Variants in GAS6 observed in about 807,000 individuals in gnomAD.
GAS6 encodes growth arrest specific 6, also known as growth arrest-specific protein 6.
A neutral mutation model predicts 75.8 loss-of-function variants in GAS6; 41 were observed. The ratio of observed to expected loss-of-function variants is 0.54; its 90% CI spans 0.42 to 0.70. The LOEUF is 0.70. GAS6 is among the 30% of genes least tolerant of loss of function. The probability of loss-of-function intolerance (pLI) is 0.00; values close to 1 mark genes in which losing one functional copy is unlikely to be tolerated. For missense variants in GAS6, 854 were observed against 940.2 expected, an observed-to-expected ratio of 0.91 and a Z score of 1.20; for synonymous variants, 432 against 412.6, an observed-to-expected ratio of 1.05 and a Z score of -0.57.
intron 2 of GAS6, among the ~76,000 whole-genome samples, chr13:113,857,918 C>A (rs936279754): frequency 6.6e-6 from 1 of 152,230 alleles, no homozygotes; most frequent in Non-Finnish European, 1.5e-5. Context: ...TGCACAGGTG[C>A]GGGCACAGGA....
chr13:113,828,764 C>G, intron 10 of GAS6, 53 bp from the exon 11 acceptor site: 1 of 1,576,694 alleles, frequency 6.3e-7, no homozygotes, highest in South Asian at 1.2e-5. Context: ...TCTGAAGGGG[C>G]TCCCAACTGA....
intron 2 of GAS6, among the ~76,000 whole-genome samples, chr13:113,855,958 CAT>C (rs1206692749): frequency 1.3e-5 from 2 of 152,340 alleles, no homozygotes; most frequent in East Asian, 1.9e-4. Flanking sequence ...GGCCGGGACA[CAT>C]GTCTCTCTAG....
chr13:113,823,255 A>G, intron 13 of GAS6, 120 bp downstream of exon 13: 1 of 1,165,568 alleles, frequency 8.6e-7, no homozygotes, highest in South Asian at 1.6e-5. Flanking sequence ...ACCTCTGGTC[A>G]GAGGCTTTGG....
chr13:113,824,846 C>G (rs1221698025), intron 12 of GAS6, among the ~76,000 whole-genome samples: 3 of 151,956 alleles, frequency 2.0e-5, no homozygotes, highest in African/African-American at 7.2e-5. Context: ...GCAACAGAAT[C>G]AAAAAGTAAC....
At chr13:113,860,289 G>A (rs935894966) in intron 2 of GAS6, among the ~76,000 whole-genome samples, 2 of 152,332 alleles carry the variant, frequency 1.3e-5, no homozygotes, top group East Asian at 1.9e-4. Context: ...CCAGCCCTCG[G>A]TGAATATTGT....
intron 2 of GAS6, among the ~76,000 whole-genome samples, chr13:113,861,217 G>A (rs1319908266): frequency 6.6e-6 from 1 of 152,168 alleles, no homozygotes; most frequent in East Asian, 1.9e-4. Flanking sequence ...TCCCTCCCTC[G>A]TAGGAGCCTG....
chr13:113,838,502 G>C (rs1200633647), intron 5 of GAS6, among the ~76,000 whole-genome samples: 1 of 130,276 alleles, frequency 7.7e-6, no homozygotes, highest in Non-Finnish European at 1.6e-5. Context: ...AGGGGACCCC[G>C]GGGGTGCACA....
At chr13:113,856,779 C>T (rs934847219) in intron 2 of GAS6, among the ~76,000 whole-genome samples, 6 of 152,230 alleles carry the variant, frequency 3.9e-5, no homozygotes, top group Admixed American at 1.3e-4. Flanking sequence ...TGAGAGCTCC[C>T]GCGTCCGGGC....
In GAS6 at chr13:113,833,252, G is replaced by A. The variant is rs59095548; in HGVS notation, c.835-500C>T. On this transcript the variant is annotated intron_variant, in intron 8 of 14. Coordinates refer to ENST00000327773, the MANE Select transcript of GAS6 (RefSeq NM_000820.4). ...CTGAGCCAGGCCTGCCCTGCCCACC[G>A]TGGGCAGCCAGGGTGAGCTGGACAT... 5.5e-3 allele frequency: 5,720 copies of A among 1,047,592 alleles called. 233 individuals carry two copies. In the African/African-American group the frequency reaches 0.088, roughly 16 times the overall value. 64.9% of individuals were successfully genotyped at this position (1,047,592 alleles called of 1,614,324 possible). A position where few individuals can be genotyped will look rare whatever the true frequency, so the allele number is the denominator to read the frequency against.
At chr13:113,862,499 G>T (rs529487607) in intron 2 of GAS6, among the ~76,000 whole-genome samples, 1 of 152,206 alleles carries the variant, frequency 6.6e-6, no homozygotes, top group Non-Finnish European at 1.5e-5. Flanking sequence ...AGAGAGGCCG[G>T]GGAGAGCGAC....
At chr13:113,853,615 C>T (rs1041973991) in intron 2 of GAS6, among the ~76,000 whole-genome samples, 1 of 152,196 alleles carries the variant, frequency 6.6e-6, no homozygotes, top group Non-Finnish European at 1.5e-5. Flanking sequence ...CTGCTGAGCA[C>T]AGGGACTCTG....
chr13:113,863,818 G>C lies in GAS6; in HGVS notation c.88+15C>G. The C allele has an allele frequency of 7.3e-7, 1 of 1,376,036 alleles. No individual in the cohort carries two copies. The highest frequency in any genetic ancestry group is 9.3e-7 in the Non-Finnish European group (1 of 1,076,888). 85.2% of individuals were successfully genotyped at this position (1,376,036 alleles called of 1,614,324 possible). ...CCGCCGCCCGGGGACGGGGTCTCGG[G>C]CCCGCGGGACTCACCAAGCGCGCAC... On this transcript the variant is annotated intron_variant, in intron 1 of 14. Transcript: ENST00000327773. This position sits in a 1 kb window ranked among gnomAD's most constrained non-coding sequence, Gnocchi z 9.4.
chr13:113,821,762 G>A (rs1299272353), intron 14 of GAS6, 196 bp downstream of exon 14: 5 of 553,356 alleles, frequency 9.0e-6, no homozygotes, highest in African/African-American at 5.7e-5. Context: ...CTCAGTCTCA[G>A]CCAATGACCT....
Position 113,820,990 on chromosome 13 carries a change from G to T in GAS6, c.1911C>A (p.Thr637=). 6.2e-7 allele frequency: 1 copy of T among 1,612,636 alleles called. No individual in the cohort carries two copies. Among genetic ancestry groups the T allele is most frequent in the Non-Finnish European group, 8.5e-7 (1 of 1,179,882 alleles). ...PDVPVTSAPV[T]AFYRGCMTLE... Reference sequence around the variant, plus strand: ...GTGTCATGCAGCCGCGGTAGAACGCGGTGACTGGCGCTGAAGTCACCGGCA... The same window carrying T: ...GTGTCATGCAGCCGCGGTAGAACGCTGTGACTGGCGCTGAAGTCACCGGCA... The change falls in exon 15 of 15, where the codon ACC becomes ACA. Residue 637 remains threonine (T), a synonymous_variant. Transcript: ENST00000327773.
chr13:113,843,123 C>T, intron 4 of GAS6: 1 of 337,816 alleles, frequency 3.0e-6, no homozygotes, highest in East Asian at 4.3e-5. Flanking sequence ...GAGACAGAAA[C>T]CTCTGCAGGC....
Position 113,864,060 on chromosome 13 carries a change from C to G in GAS6, c.-140G>C. ...GGCGGCGGCGGCGGCGGCTGCGGCA[C>G]CTCAAGCGCTCGGTCTGGGCGTGTT... is the stretch of plus-strand genomic sequence containing the variant. On this transcript the variant is annotated 5_prime_UTR_variant, in exon 1 of 15. Coordinates refer to ENST00000327773, the MANE Select transcript of GAS6 (RefSeq NM_000820.4). 1.1e-6 allele frequency: 1 copy of G among 879,824 alleles called. No homozygotes were observed. Among genetic ancestry groups the G allele is most frequent in the South Asian group, 5.1e-5 (1 of 19,586 alleles). The allele number at this position is 879,824 out of a possible 1,614,324, so 54.5% of individuals were successfully genotyped here.
intron 8 of GAS6, 44 bp downstream of exon 8, chr13:113,834,507 C>T (rs915015382): frequency 4.1e-6 from 6 of 1,461,210 alleles, no homozygotes; most frequent in Non-Finnish European, 2.7e-6. Context: ...GGCGAGGGCC[C>T]CCGGAACCAC....
chr13:113,826,804 A>G (rs1195861945), intron 12 of GAS6, among the ~76,000 whole-genome samples, 192 bp downstream of exon 12: 1 of 152,272 alleles, frequency 6.6e-6, no homozygotes, highest in Admixed American at 6.5e-5. Flanking sequence ...GAACTGAGTG[A>G]CCTGCATGGC....
chr13:113,826,661 C>CTCGGCT (rs1327536350), intron 12 of GAS6, among the ~76,000 whole-genome samples: 23 of 103,888 alleles, frequency 2.2e-4, no homozygotes, highest in African/African-American at 3.4e-4. Context: ...TGGCGCCGGC[C>CTCGGCT]TCGCAGGCAC....
Sources: gnomAD v4.1 joint callset for allele counts (sites outside exome capture counted in the v4.1 genomes callset) on GRCh38, gnomAD v4.1.1 for gene constraint, Gnocchi (gnomAD v3.1) non-coding constraint, MANE v1.5 for transcripts, NCBI Gene and HGNC (gene_info 2026-07-23, HGNC 2026-07-21) for gene names.